Variants in RAB30 observed in about 807,000 individuals in gnomAD.
RAB30 encodes ras-related protein Rab-30.
RAB30 carries 9 observed loss-of-function variants against 25.1 expected under a neutral mutation model. The observed-to-expected ratio is 0.36, with a 90% confidence interval of 0.22 to 0.63. RAB30 has a LOEUF of 0.63. Ranked by LOEUF, RAB30 falls within the 20% of genes least tolerant of loss-of-function variation. The pLI is 0.69. For synonymous variants in RAB30, 77 were observed against 86.4 expected (o/e 0.89, Z 0.60); for missense variants, 140 against 243.5 (o/e 0.58, Z 2.83).
chr11:83,045,361 G>A (rs117376121), intron 1 of RAB30, among the ~76,000 whole-genome samples: 2,108 of 152,050 alleles, frequency 0.014, 30 homozygotes, highest in Non-Finnish European at 0.021. Context: ...GAACTCCTGA[G>A]CTAAAACGAC....
At chr11:83,024,745 ACT>A (rs1857668245) in intron 1 of RAB30, among the ~76,000 whole-genome samples, 2 of 152,328 alleles carry the variant, frequency 1.3e-5, no homozygotes, top group South Asian at 4.1e-4. Context: ...CTGAAATGCT[ACT>A]GTTACTCAGA....
chr11:83,007,678 C>T (rs758586434), intron 1 of RAB30, among the ~76,000 whole-genome samples: 3 of 152,164 alleles, frequency 2.0e-5, no homozygotes, highest in Non-Finnish European at 2.9e-5. Flanking sequence ...GAGGCCACCG[C>T]TTAGGACCCA....
intron 1 of RAB30, among the ~76,000 whole-genome samples, chr11:83,022,222 G>A (rs1017627779): frequency 2.0e-5 from 3 of 152,096 alleles, no homozygotes; most frequent in African/African-American, 4.8e-5. Context: ...CCAGTAGCAC[G>A]ATCACATGGC....
chr11:82,987,539 C>G (rs1418811032), intron 4 of RAB30, 48 bp downstream of exon 4: 2 of 1,524,970 alleles, frequency 1.3e-6, no homozygotes, highest in African/African-American at 2.8e-5. Flanking sequence ...GATTATAAAT[C>G]CTCTAATGCC....
chr11:83,014,089 T>C (rs12362332), intron 1 of RAB30, among the ~76,000 whole-genome samples: 32,972 of 152,088 alleles, frequency 0.22, 4,296 homozygotes, highest in Admixed American at 0.29. Context: ...AGCATAAAAA[T>C]AGAGCAATGA....
At chr11:82,995,781 G>C (rs1856944897) in intron 2 of RAB30, among the ~76,000 whole-genome samples, 1 of 152,122 alleles carries the variant, frequency 6.6e-6, no homozygotes, top group Middle Eastern at 3.2e-3. Flanking sequence ...CCTGGAACCC[G>C]GGTTCTAATC....
At chr11:83,064,354 T>C (rs907363831) in intron 1 of RAB30, among the ~76,000 whole-genome samples, 1 of 152,206 alleles carries the variant, frequency 6.6e-6, no homozygotes, top group Non-Finnish European at 1.5e-5. Context: ...GCAATTCACC[T>C]GTCTCAGCCT....
At chr11:83,030,838 G>T (rs1336407027) in intron 1 of RAB30, among the ~76,000 whole-genome samples, 1 of 151,206 alleles carries the variant, frequency 6.6e-6, no homozygotes, top group Non-Finnish European at 1.5e-5. Context: ...ACTAAATTAT[G>T]TCCCCCCACA....
At chr11:82,997,432 G>T in intron 1 of RAB30, 108 bp from the exon 2 acceptor site, 1 of 779,124 alleles carries the variant, frequency 1.3e-6, no homozygotes, top group Non-Finnish European at 2.1e-6. Flanking sequence ...CTCATTTAAA[G>T]AGCAATTTAA....
intron 1 of RAB30, among the ~76,000 whole-genome samples, chr11:83,033,766 C>T (rs1857928232): frequency 1.3e-5 from 2 of 152,162 alleles, no homozygotes; most frequent in African/African-American, 4.8e-5. Context: ...AAATAAAAAT[C>T]TCAATCCTCT....
intron 2 of RAB30, among the ~76,000 whole-genome samples, chr11:82,995,656 A>C (rs1393373210): frequency 6.6e-6 from 1 of 152,258 alleles, no homozygotes; most frequent in Non-Finnish European, 1.5e-5. Flanking sequence ...GCTTGTTGGC[A>C]AAAAATTACT....
chr11:83,018,297 C>CAAA (rs904843218), intron 1 of RAB30, among the ~76,000 whole-genome samples: 20 of 68,520 alleles, frequency 2.9e-4, no homozygotes, highest in East Asian at 1.9e-3. Flanking sequence ...GACTCCATCT[C>CAAA]AAAAAAAAAA....
At chr11:83,006,246 C>T (rs973251177) in intron 1 of RAB30, among the ~76,000 whole-genome samples, 1 of 152,120 alleles carries the variant, frequency 6.6e-6, no homozygotes, top group Admixed American at 6.5e-5. Flanking sequence ...TTTATACTCA[C>T]AAAGGCACAT....
chr11:83,043,942 TTATATTATGA>T (rs766514678), intron 1 of RAB30, among the ~76,000 whole-genome samples: 23 of 152,126 alleles, frequency 1.5e-4, no homozygotes, highest in Non-Finnish European at 2.8e-4. Flanking sequence ...TAAACCAGGG[TTATATTATGA>T]TATAGTTAAA....
chr11:83,068,326 CT>C (rs1382403231), intron 1 of RAB30, among the ~76,000 whole-genome samples: 3 of 151,690 alleles, frequency 2.0e-5, no homozygotes, highest in African/African-American at 4.8e-5. Context: ...AACTTAGTGT[CT>C]CTCTAAACCC....
At chr11:82,998,869 G>C (rs182317844) in intron 1 of RAB30, among the ~76,000 whole-genome samples, 173 of 152,316 alleles carry the variant, frequency 1.1e-3, no homozygotes, top group Non-Finnish European at 1.2e-3. Context: ...ATAGGAAAGC[G>C]TCAGGGTCAC....
At chr11:83,043,159 C>G (rs1479567893) in intron 1 of RAB30, among the ~76,000 whole-genome samples, 1 of 152,140 alleles carries the variant, frequency 6.6e-6, no homozygotes, top group Non-Finnish European at 1.5e-5. Context: ...TGTGCCAATT[C>G]CAAGCCTAGG....
At chr11:83,047,802 C>G (rs1858265113) in intron 1 of RAB30, among the ~76,000 whole-genome samples, 2 of 151,928 alleles carry the variant, frequency 1.3e-5, no homozygotes, top group Admixed American at 6.6e-5. Flanking sequence ...ACAATGAGTT[C>G]TGAAAAGGGC....
intron 1 of RAB30, among the ~76,000 whole-genome samples, chr11:83,017,415 C>G (rs777828885): frequency 1.3e-5 from 2 of 151,924 alleles, no homozygotes; most frequent in Non-Finnish European, 2.9e-5. Context: ...TTTTGGGGAA[C>G]AGGTGGTTTT....
Sources: allele counts gnomAD v4.1 joint callset (sites outside exome capture counted in the v4.1 genomes callset), GRCh38; gene constraint gnomAD v4.1.1; transcripts MANE v1.5; gene names NCBI Gene and HGNC (gene_info 2026-07-23, HGNC 2026-07-21).